Variants in ASB9 observed in about 807,000 individuals in gnomAD.
The protein encoded by ASB9 is ankyrin repeat and SOCS box containing 9.
A neutral mutation model predicts 16.6 loss-of-function variants in ASB9; 5 were observed. That is an observed-to-expected ratio of 0.30 (90% CI 0.16 to 0.63). ASB9 has a LOEUF of 0.63. Among genes scored for constraint, ASB9 ranks in the 30% least tolerant of loss-of-function variants. The probability of loss-of-function intolerance (pLI) is 0.82; values close to 1 mark genes in which losing one functional copy is unlikely to be tolerated. For missense variants in ASB9, 216 were observed against 229.4 expected (o/e 0.94, Z 0.38); for synonymous variants, 100 against 86.4 (o/e 1.16, Z -0.87).
intron 6 of ASB9, 79 bp from the exon 7 acceptor site, chrX:15,244,709 C>A (rs1924519236): frequency 5.3e-6 from 5 of 938,702 alleles, no homozygotes; most frequent in Non-Finnish European, 7.2e-6. Context: ...AAAAAGCATC[C>A]AAGATAGAAC....
chrX:15,268,355 A>G lies in ASB9; in HGVS notation c.94+1426T>C. Among the ~76,000 whole-genome samples, 3 of 106,153 alleles carry G rather than the reference A, an allele frequency of 2.8e-5. 1 individual carries two copies. The Admixed American group carries it at 3.0e-4, about 11-fold the overall frequency. 92.2% of individuals were successfully genotyped at this position (106,153 alleles called of 115,157 possible). On this transcript the variant is annotated intron_variant, in intron 1 of 6. Transcript: ENST00000380488. ...TCAAAAAAACAAAACAAAACAAAAC[A>G]CCCTGACTTCAGGGTCCCTGTTTAT...
chrX:15,252,665 A>C (rs1925218374), intron 3 of ASB9, among the ~76,000 whole-genome samples: 1 of 112,067 alleles, frequency 8.9e-6, no homozygotes, highest in Non-Finnish European at 1.9e-5. Context: ...TAGTTAGGAT[A>C]ATTTCAATCG....
chrX:15,248,912 C>G lies in ASB9; in HGVS notation c.592G>C (p.Gly198Arg). The change falls in exon 6 of 7, where the codon GGT (glycine) becomes CGT (arginine). Residue 198 changes from glycine to arginine, a missense_variant. Coordinates refer to ENST00000380488, the MANE Select transcript of ASB9 (RefSeq NM_001031739.3). ...ESGADVNQGK[G>R]QDSPLHAVAR... ...ACTGCATGAAGTGGGGAATCCTGAC[C>G]TTTCCCTTGGTTCACGTCCGCTCCT... 2 of 1,198,697 alleles carry G rather than the reference C, an allele frequency of 1.7e-6. No individual in the cohort carries two copies. Among genetic ancestry groups the G allele is most frequent in the Non-Finnish European group, 2.3e-6 (2 of 888,640 alleles).
chrX:15,269,329 C>T (rs1926801290), intron 1 of ASB9, among the ~76,000 whole-genome samples: 1 of 111,790 alleles, frequency 8.9e-6, no homozygotes, highest in East Asian at 2.8e-4. Context: ...TTAAGTAAAA[C>T]AAAGTCTCTT....
At chrX:15,245,174 T>TTG (rs1193351636) in intron 6 of ASB9, among the ~76,000 whole-genome samples, 1 of 111,653 alleles carries the variant, frequency 9.0e-6, no homozygotes, top group Non-Finnish European at 1.9e-5. Context: ...AGCACAAACC[T>TTG]TGCTTAGGGA....
At chrX:15,250,937 G>A in intron 4 of ASB9, among the ~76,000 whole-genome samples, 1 of 111,487 alleles carries the variant, frequency 9.0e-6, no homozygotes, top group African/African-American at 3.3e-5. Context: ...TAGCCAGGAT[G>A]GTCTCAATCT....
At chrX:15,257,844 G>A in intron 2 of ASB9, among the ~76,000 whole-genome samples, 1 of 112,361 alleles carries the variant, frequency 8.9e-6, no homozygotes. Flanking sequence ...CCAGTGGGAT[G>A]TTAGCAGATG....
chrX:15,262,456 C>T (rs1401943919), intron 1 of ASB9, among the ~76,000 whole-genome samples: 4 of 112,088 alleles, frequency 3.6e-5, no homozygotes, highest in Non-Finnish European at 5.6e-5. Context: ...TTTGTTAAGC[C>T]TGTCACAGTA....
Position 15,269,688 on chromosome X carries a change from C to G in ASB9, c.94+93G>C, listed in dbSNP as rs771371457. On this transcript the variant is annotated intron_variant, in intron 1 of 6. Transcript: ENST00000380488. ...CTGCCCAGTAACAGCCCCATGGACA[C>G]CTCACACAGAGCCACTGAAACTGCC... The G allele has an allele frequency of 1.5e-5, 10 of 677,132 alleles. No homozygotes were observed. The East Asian group carries it at 3.6e-4, about 24-fold the overall frequency. The allele number at this position is 677,132 out of a possible 1,213,427, so 55.8% of individuals were successfully genotyped here. A position where few individuals can be genotyped will look rare whatever the true frequency, so the allele number is the denominator to read the frequency against.
intron 2 of ASB9, among the ~76,000 whole-genome samples, chrX:15,257,548 G>A (rs1925676650): frequency 9.0e-6 from 1 of 111,568 alleles, no homozygotes; most frequent in Non-Finnish European, 1.9e-5. Flanking sequence ...ATTGCAGAGA[G>A]GTTCCTTCTG....
chrX:15,244,846 T>C (rs1924529431), intron 6 of ASB9, among the ~76,000 whole-genome samples: 1 of 111,642 alleles, frequency 9.0e-6, no homozygotes, highest in African/African-American at 3.3e-5. Flanking sequence ...AGGTTTTTAA[T>C]TTAGAACAGA....
At chrX:15,261,962 C>T (rs1314069302) in intron 1 of ASB9, among the ~76,000 whole-genome samples, 2 of 112,129 alleles carry the variant, frequency 1.8e-5, no homozygotes, top group Non-Finnish European at 1.9e-5. Flanking sequence ...CTTCCCTCAG[C>T]CCCTGGCAGC....
At chrX:15,258,730 A>G in intron 2 of ASB9, 136 bp downstream of exon 2, 1 of 454,222 alleles carries the variant, frequency 2.2e-6, no homozygotes. Context: ...TCCTATTTAG[A>G]CGTTATGGTA....
intron 2 of ASB9, 45 bp from the exon 3 acceptor site, chrX:15,254,889 T>C (rs751783068): frequency 6.6e-6 from 7 of 1,067,974 alleles, no homozygotes; most frequent in African/African-American, 1.8e-5. Flanking sequence ...AAAGCAACAG[T>C]GCCCTGGGGC....
At chrX:15,253,279 T>C (rs888016627) in intron 3 of ASB9, among the ~76,000 whole-genome samples, 5 of 107,927 alleles carry the variant, frequency 4.6e-5, no homozygotes, top group Non-Finnish European at 7.7e-5. Flanking sequence ...AATGGACTGC[T>C]GAAATATATT....
intron 6 of ASB9, among the ~76,000 whole-genome samples, chrX:15,245,615 T>TG (rs1924596322): frequency 9.0e-6 from 1 of 111,416 alleles, no homozygotes; most frequent in African/African-American, 3.3e-5. Context: ...TCACCTGGGG[T>TG]GGGGGTACAT....
At position 15,263,046 on chromosome X, in the gene ASB9, G is replaced by A. The variant is rs1157538308; in HGVS notation, c.95-4101C>T. On this transcript the variant is annotated intron_variant, in intron 1 of 6. Coordinates refer to ENST00000380488, the MANE Select transcript of ASB9 (RefSeq NM_001031739.3). ...CCCTCATCAAACCTGGAGCACATTA[G>A]GGAGGCTGCCATTTCATTTTTATTG... 2.7e-5 allele frequency among the ~76,000 whole-genome samples: 3 copies of A among 112,151 alleles called. No individual in the cohort carries two copies. The Admixed American group carries it at 2.8e-4, about 11-fold the overall frequency.
chrX:15,262,449 G>T (rs1926051100), intron 1 of ASB9, among the ~76,000 whole-genome samples: 1 of 112,071 alleles, frequency 8.9e-6, no homozygotes, highest in African/African-American at 3.2e-5. Flanking sequence ...TTCAGGGTTT[G>T]TTAAGCCTGT....
Position 15,250,429 on chromosome X carries a change from C to T in ASB9, c.568+1G>A. 3 of 1,202,891 alleles carry T rather than the reference C, an allele frequency of 2.5e-6. No individual in the cohort carries two copies. The highest frequency in any genetic ancestry group is 3.4e-6 in the Non-Finnish European group (3 of 892,645). On this transcript the variant is annotated splice_donor_variant, in intron 5 of 6. Transcript: ENST00000380488. LOFTEE classifies it high-confidence loss of function. ...TTGTTTTGGTTTGCTTTTTGCTTTA[C>T]CTGACTCCAGAAGCTTCTTGACACA...
Sources: gnomAD v4.1 joint callset for allele counts (sites outside exome capture counted in the v4.1 genomes callset) on GRCh38, gnomAD v4.1.1 for gene constraint, MANE v1.5 for transcripts, NCBI Gene and HGNC (gene_info 2026-07-23, HGNC 2026-07-21) for gene names.